MYO3B: variants seen among roughly 807,000 people sequenced by gnomAD.
The protein encoded by MYO3B is myosin-IIIb.
In MYO3B, 156 loss-of-function variants were observed where a neutral mutation model predicts 174.6. The ratio of observed to expected loss-of-function variants is 0.89; its 90% CI spans 0.78 to 1.02. The LOEUF (loss-of-function observed/expected upper bound fraction) is 1.02, where lower values mean the gene tolerates loss of function less well. Among genes scored for constraint, MYO3B ranks in the 50% least tolerant of loss-of-function variants. MYO3B has a pLI of 0.00. For synonymous variants in MYO3B, 563 were observed against 569.1 expected (o/e 0.99, Z 0.15); for missense variants, 1,632 against 1,639.4 (o/e 1.00, Z 0.08).
Position 170,383,064 on chromosome 2 carries a change from T to A in MYO3B, c.1069-9T>A. ...ATATTTACCTCAATACCATTTATCC[T>A]CTTCTTAGGATACAATTATCCATCA... On this transcript the variant is annotated splice_polypyrimidine_tract_variant and intron_variant, in intron 10 of 34. Coordinates refer to ENST00000408978, the MANE Select transcript of MYO3B (RefSeq NM_138995.5). 6.4e-7 allele frequency: 1 copy of A among 1,552,048 alleles called. No individual in the cohort carries two copies. The highest frequency in any genetic ancestry group is 8.9e-7 in the Non-Finnish European group (1 of 1,124,164).
chr2:170,365,655 TA>T (rs2105666035), intron 8 of MYO3B, among the ~76,000 whole-genome samples: 1 of 152,316 alleles, frequency 6.6e-6, no homozygotes, highest in Non-Finnish European at 1.5e-5. Flanking sequence ...TATTTTAGAA[TA>T]AAGCTATACC....
At chr2:170,451,664 T>G (rs1015023279) in intron 23 of MYO3B, among the ~76,000 whole-genome samples, 2 of 152,232 alleles carry the variant, frequency 1.3e-5, no homozygotes, top group African/African-American at 4.8e-5. Context: ...TTCAGAGCAC[T>G]TTCATATATA....
chr2:170,199,114 T>G lies in MYO3B; in HGVS notation c.3-94T>G, dbSNP rs566235976. 2.8e-4 allele frequency: 229 copies of G among 827,146 alleles called. 8 individuals are homozygous for G. The South Asian group carries it at 7.4e-3, about 27-fold the overall frequency. The allele number at this position is 827,146 out of a possible 1,614,324, so 51.2% of individuals were successfully genotyped here. A position where few individuals can be genotyped will look rare whatever the true frequency, so the allele number is the denominator to read the frequency against. ...GAAGAAAATAAAAAGTAACATGAGG[T>G]TGCTGGTTAAGAAATAAAAATCTTT... On this transcript the variant is annotated intron_variant, in intron 1 of 34. Coordinates refer to ENST00000408978, the MANE Select transcript of MYO3B (RefSeq NM_138995.5).
At chr2:170,219,969 G>T (rs1345756702) in intron 6 of MYO3B, among the ~76,000 whole-genome samples, 2 of 152,230 alleles carry the variant, frequency 1.3e-5, no homozygotes, top group Non-Finnish European at 2.9e-5. Flanking sequence ...TTATTAAGAG[G>T]TGTTTGTGGC....
chr2:170,186,467 A>G (rs891918377), intron 1 of MYO3B, among the ~76,000 whole-genome samples: 1 of 152,232 alleles, frequency 6.6e-6, no homozygotes, highest in African/African-American at 2.4e-5. Flanking sequence ...TTCCTGGGAT[A>G]AATCCCACTT....
intron 6 of MYO3B, among the ~76,000 whole-genome samples, chr2:170,224,365 C>T (rs1020020889): frequency 4.6e-5 from 7 of 152,130 alleles, no homozygotes; most frequent in Non-Finnish European, 1.0e-4. Context: ...ATGCAAGTCC[C>T]ATTTTGCAGA....
intron 24 of MYO3B, among the ~76,000 whole-genome samples, chr2:170,463,668 T>A (rs567250282): frequency 2.0e-5 from 3 of 152,292 alleles, no homozygotes; most frequent in Admixed American, 6.5e-5. Context: ...TTCTTGGTCT[T>A]AAAGCTACTA....
intron 32 of MYO3B, among the ~76,000 whole-genome samples, chr2:170,590,974 C>G (rs758732723): frequency 1.3e-5 from 2 of 152,096 alleles, no homozygotes; most frequent in Non-Finnish European, 2.9e-5. Flanking sequence ...TATTCAGAGG[C>G]CACAGACTTC....
At chr2:170,491,137 G>A (rs1046432547) in intron 25 of MYO3B, among the ~76,000 whole-genome samples, 1 of 152,016 alleles carries the variant, frequency 6.6e-6, no homozygotes, top group African/African-American at 2.4e-5. Context: ...TTCTTATGGT[G>A]GAGGTGAGGT....
chr2:170,335,300 A>G, intron 7 of MYO3B, 85 bp from the exon 8 acceptor site: 1 of 1,004,510 alleles, frequency 1.0e-6, no homozygotes, highest in East Asian at 2.6e-5. Context: ...AGAGCTATTT[A>G]GAATGATATC....
At chr2:170,396,923 T>C (rs1212903205) in intron 16 of MYO3B, among the ~76,000 whole-genome samples, 1 of 152,196 alleles carries the variant, frequency 6.6e-6, no homozygotes, top group Non-Finnish European at 1.5e-5. Flanking sequence ...AACCTCGATA[T>C]AGAAACAGCT....
intron 6 of MYO3B, among the ~76,000 whole-genome samples, chr2:170,223,999 G>A (rs1035353186): frequency 2.6e-5 from 4 of 152,072 alleles, no homozygotes; most frequent in Non-Finnish European, 4.4e-5. Context: ...TTTTACCCTG[G>A]GACATTTCTG....
chr2:170,460,178 T>C (rs963039559), intron 23 of MYO3B, among the ~76,000 whole-genome samples: 1 of 151,544 alleles, frequency 6.6e-6, no homozygotes, highest in South Asian at 2.1e-4. Flanking sequence ...GCTGCTAGCA[T>C]GTTGTCACCT....
At chr2:170,539,697 G>T (rs1399338748) in intron 30 of MYO3B, among the ~76,000 whole-genome samples, 1 of 151,886 alleles carries the variant, frequency 6.6e-6, no homozygotes, top group Non-Finnish European at 1.5e-5. Context: ...TTGGCTCAGT[G>T]TAGCCTCGAC....
chr2:170,197,994 C>T (rs1200880529), intron 1 of MYO3B, among the ~76,000 whole-genome samples: 1 of 152,064 alleles, frequency 6.6e-6, no homozygotes, highest in African/African-American at 2.4e-5. Context: ...TCACTGCAAC[C>T]CTGAAGAATT....
Position 170,392,367 on chromosome 2 carries a change from T to C in MYO3B, c.1677-14T>C. 6.4e-7 allele frequency: 1 copy of C among 1,560,652 alleles called. No homozygotes were observed. Reference sequence around the variant, plus strand: ...CAGTGCTCATTCTGTTTGGTCATGCTCCACTTCATTTAGGTACATAGCTGA... The same window carrying C: ...CAGTGCTCATTCTGTTTGGTCATGCCCCACTTCATTTAGGTACATAGCTGA... On this transcript the variant is annotated splice_polypyrimidine_tract_variant and intron_variant, in intron 15 of 34. Transcript: ENST00000408978.
chr2:170,604,606 A>G (rs1429737249), intron 32 of MYO3B, among the ~76,000 whole-genome samples: 1 of 152,232 alleles, frequency 6.6e-6, no homozygotes, highest in African/African-American at 2.4e-5. Context: ...GAGAGGAACA[A>G]TAATTCTTTC....
At chr2:170,594,619 A>G (rs1694022856) in intron 32 of MYO3B, among the ~76,000 whole-genome samples, 1 of 152,170 alleles carries the variant, frequency 6.6e-6, no homozygotes, top group African/African-American at 2.4e-5. Context: ...CTGTGAATTC[A>G]TTGCCTGAGG....
intron 32 of MYO3B, among the ~76,000 whole-genome samples, chr2:170,596,700 C>T (rs1694170466): frequency 6.7e-6 from 1 of 148,186 alleles, no homozygotes; most frequent in Non-Finnish European, 1.5e-5. Flanking sequence ...CCTCCCGCTG[C>T]CCCCCCAGGG....
Sources: gnomAD v4.1 joint callset for allele counts (sites outside exome capture counted in the v4.1 genomes callset) on GRCh38, gnomAD v4.1.1 for gene constraint, MANE v1.5 for transcripts, NCBI Gene and HGNC (gene_info 2026-07-23, HGNC 2026-07-21) for gene names.